BPTF: variants seen among roughly 807,000 people sequenced by gnomAD.
BPTF encodes the protein bromodomain PHD finger transcription factor.
A neutral mutation model predicts 292.5 loss-of-function variants in BPTF; 18 were observed. The observed-to-expected ratio is 0.06, with a 90% CI of 0.04 to 0.09. The LOEUF is 0.09. BPTF is among the 10% of genes least tolerant of loss of function. The pLI, the probability that BPTF is intolerant of heterozygous loss-of-function variation, is 1.00. For missense variants in BPTF, 2,726 were observed against 3,498.7 expected (o/e 0.78, Z 5.57); for synonymous variants, 1,225 against 1,251.9 (o/e 0.98, Z 0.45).
rs759444142 is a variant in BPTF at position 67,894,106 on chromosome 17, G to A, written c.2484G>A (p.Glu828=). The A allele has an allele frequency of 1.9e-6, 3 of 1,614,126 alleles. No homozygotes were observed. The highest frequency in any genetic ancestry group is 2.5e-6 in the Non-Finnish European group (3 of 1,179,966). The change falls in exon 7 of 28, where the codon GAG becomes GAA. Residue 828 remains glutamate, a synonymous_variant. Coordinates refer to ENST00000306378, the MANE Select transcript of BPTF (RefSeq NM_182641.4). ...TTGCATTGGCTTTAGCCATTTTGGA[G>A]TGTGCAGTTAAACCAGTTGTGATGC... ...REFALALAIL[E]CAVKPVVMLP...
At chr17:67,892,196 A>C (rs2061162373) in intron 5 of BPTF, among the ~76,000 whole-genome samples, 162 bp downstream of exon 5, 1 of 152,248 alleles carries the variant, frequency 6.6e-6, no homozygotes, top group South Asian at 2.1e-4. Context: ...GACTGAAAGT[A>C]TTAGGCTTTA....
chr17:67,909,113 G>A (rs2062459930), intron 9 of BPTF, among the ~76,000 whole-genome samples: 1 of 151,920 alleles, frequency 6.6e-6, no homozygotes, highest in South Asian at 2.1e-4. Context: ...GGGATTACAG[G>A]CATGAGCCAC....
rs1555674771 is a variant in BPTF at position 67,945,868 on chromosome 17, C to A, written c.7160C>A (p.Ser2387Tyr). 6.2e-7 allele frequency: 1 copy of A among 1,614,208 alleles called. No homozygotes were observed. The highest frequency in any genetic ancestry group is 1.1e-5 in the South Asian group (1 of 91,078). ...CCACATACATCTCTTCAGATACCTT[C>A]CCAAGGCCAGCCACAGTCACAACCC... The part of the protein sequence containing the change: ...IQPHTSLQIP[S>Y]QGQPQSQPQV... The change falls in exon 21 of 28, where the codon TCC becomes TAC. Residue 2387 changes from serine (S) to tyrosine (Y), a missense_variant. Around this residue, in one of 22 missense-constraint regions of BPTF, gnomAD observed 570 missense variants for 633.5 expected, o/e 0.90. Coordinates refer to ENST00000306378, the MANE Select transcript of BPTF (RefSeq NM_182641.4).
At chr17:67,846,740 G>A (rs780448462) in intron 1 of BPTF, among the ~76,000 whole-genome samples, 2 of 152,062 alleles carry the variant, frequency 1.3e-5, no homozygotes, top group East Asian at 1.9e-4. Flanking sequence ...GGTCCCTGTC[G>A]CCTAGGGTGG....
At chr17:67,919,218 T>TAAA (rs1555656759) in intron 12 of BPTF, among the ~76,000 whole-genome samples, 2,158 of 126,198 alleles carry the variant, frequency 0.017, 44 homozygotes, top group African/African-American at 0.071. Context: ...ATAATAATAA[T>TAAA]AAAATATAAT....
At chr17:67,865,789 A>G (rs1007033016) in intron 2 of BPTF, among the ~76,000 whole-genome samples, 2 of 152,214 alleles carry the variant, frequency 1.3e-5, no homozygotes, top group African/African-American at 4.8e-5. Flanking sequence ...TTAAAAGTGA[A>G]TGGAACCTTA....
chr17:67,886,280 G>A, intron 4 of BPTF: 1 of 1,613,936 alleles, frequency 6.2e-7, no homozygotes, highest in Non-Finnish European at 8.5e-7. Flanking sequence ...TGGAGAAAGA[G>A]AATCTCATAC....
chr17:67,919,290 C>T (rs1338166262), intron 12 of BPTF, among the ~76,000 whole-genome samples: 1 of 151,744 alleles, frequency 6.6e-6, no homozygotes, highest in African/African-American at 2.4e-5. Context: ...AATCCTAGCA[C>T]TTTGGGAGGC....
chr17:67,852,187 A>G (rs1245466989), intron 1 of BPTF, among the ~76,000 whole-genome samples: 1 of 152,106 alleles, frequency 6.6e-6, no homozygotes, highest in Non-Finnish European at 1.5e-5. Context: ...ATGACGTTGT[A>G]TTTATACAAG....
chr17:67,962,608 G>A (rs1345543711), intron 24 of BPTF, among the ~76,000 whole-genome samples: 1 of 152,140 alleles, frequency 6.6e-6, no homozygotes, highest in African/African-American at 2.4e-5. Flanking sequence ...TTCCCTGCCC[G>A]TTAGTTAGCC....
chr17:67,886,352 G>T lies in BPTF; in HGVS notation c.1865-5492G>T, dbSNP rs2060748596. The stretch of plus-strand genomic sequence containing the variant: ...ACTTCATCCATTCCTTTAAAGGGAA[G>T]TTTTTTCTTTTTTTTCTTTTTTTTG... On this transcript the variant is annotated intron_variant, in intron 4 of 27. Transcript: ENST00000306378. 8.7e-6 allele frequency: 12 copies of T among 1,382,584 alleles called. No homozygotes were observed. The East Asian group carries it at 1.3e-4, about 15-fold the overall frequency. The allele number at this position is 1,382,584 out of a possible 1,614,324, so 85.6% of individuals were successfully genotyped here. A position where few individuals can be genotyped will look rare whatever the true frequency, so the allele number is the denominator to read the frequency against.
At chr17:67,867,609 T>G (rs775114991) in intron 3 of BPTF, among the ~76,000 whole-genome samples, 3 of 152,230 alleles carry the variant, frequency 2.0e-5, no homozygotes, top group Non-Finnish European at 4.4e-5. Flanking sequence ...TGTTTTCCTC[T>G]GGGTTGTCGG....
chr17:67,962,314 C>A (rs143125472), intron 24 of BPTF, among the ~76,000 whole-genome samples: 1 of 152,346 alleles, frequency 6.6e-6, no homozygotes, highest in Admixed American at 6.5e-5. Context: ...CAAGGCCAGT[C>A]TGGTTCCCTG....
intron 14 of BPTF, among the ~76,000 whole-genome samples, chr17:67,923,569 G>A (rs1332555165): frequency 1.6e-5 from 2 of 125,650 alleles, no homozygotes; most frequent in East Asian, 2.8e-4. Context: ...TGCAACCTCT[G>A]CCTCCTGGGC....
intron 7 of BPTF, among the ~76,000 whole-genome samples, chr17:67,900,863 G>A (rs1019640941): frequency 6.6e-6 from 1 of 151,674 alleles, no homozygotes; most frequent in South Asian, 2.1e-4. Context: ...ATTAAAATTG[G>A]CCAGGCATGG....
intron 1 of BPTF, among the ~76,000 whole-genome samples, chr17:67,835,964 C>G (rs1598125132): frequency 1.3e-5 from 2 of 151,794 alleles, no homozygotes; most frequent in South Asian, 4.2e-4. Context: ...CATGCCTGGC[C>G]CAGTCCTGGT....
At chr17:67,953,261 T>C (rs2066561208) in intron 23 of BPTF, among the ~76,000 whole-genome samples, 1 of 100,352 alleles carries the variant, frequency 1.0e-5, no homozygotes, top group African/African-American at 3.8e-5. Context: ...GCGCCTGGCC[T>C]TTTTTTTTTT....
intron 18 of BPTF, 38 bp downstream of exon 18, chr17:67,932,057 C>A (rs755893548): frequency 1.3e-6 from 2 of 1,530,230 alleles, no homozygotes; most frequent in South Asian, 1.1e-5. Flanking sequence ...TACATCTCAA[C>A]AGCCAGTCTA....
chr17:67,920,517 T>G (rs2063360690), intron 13 of BPTF, among the ~76,000 whole-genome samples: 1 of 152,134 alleles, frequency 6.6e-6, no homozygotes, highest in African/African-American at 2.4e-5. Flanking sequence ...TTCTTAAGGA[T>G]TAAAACTACT....
Sources: allele counts gnomAD v4.1 joint callset (sites outside exome capture counted in the v4.1 genomes callset), GRCh38; gene constraint gnomAD v4.1.1; regional missense constraint gnomAD v4.1.1; transcripts MANE v1.5; gene names NCBI Gene and HGNC (gene_info 2026-07-23, HGNC 2026-07-21).